The following APOBEC4 variants were observed in gnomAD, a reference collection of about 807,000 sequenced individuals.
APOBEC4 encodes the protein apolipoprotein B mRNA editing enzyme catalytic polypeptide like 4.
For missense variants in APOBEC4, 375 were observed against 441.2 expected (o/e 0.85, Z 1.34); for synonymous variants, 141 against 154.2 (o/e 0.91, Z 0.63).
At position 183,648,743 on chromosome 1, in the gene APOBEC4, T is replaced by C. The variant is rs1030015344; in HGVS notation, c.39A>G (p.Gly13=). The C allele has an allele frequency of 6.2e-7, 1 of 1,612,842 alleles. No individual in the cohort carries two copies. The highest frequency in any genetic ancestry group is 1.3e-5 in the African/African-American group (1 of 74,866). Reference sequence around the variant, plus strand: ...GCCAGTAATATGGTTTTACTATTGTTCCATGATTTGCTAGGTACTCCTCAT... The same window carrying C: ...GCCAGTAATATGGTTTTACTATTGTCCCATGATTTGCTAGGTACTCCTCAT... The part of the protein sequence containing the change: ...PIYEEYLANH[G]TIVKPYYWLS... Residue 13 remains glycine, a synonymous_variant, in exon 2 of 2, where the codon GGA becomes GGG. Transcript: ENST00000308641.
Position 183,646,306 on chromosome 1 carries a change from T to C in APOBEC4, c.*1372A>G, listed in dbSNP as rs970602086. 6.6e-6 allele frequency: 1 copy of C among 152,202 alleles called. No individual in the cohort carries two copies. The highest frequency in any genetic ancestry group is 1.5e-5 in the Non-Finnish European group (1 of 68,028). 9.4% of individuals were successfully genotyped at this position (152,202 alleles called of 1,614,324 possible). ...TTAAAATTTTTATTCATGTTTATTTTAACCACAATACTAATTGCTATTCCT... is the reference window on the plus strand; with the variant it reads ...TTAAAATTTTTATTCATGTTTATTTCAACCACAATACTAATTGCTATTCCT... On this transcript the variant is annotated 3_prime_UTR_variant, in exon 2 of 2. Coordinates refer to ENST00000308641, the MANE Select transcript of APOBEC4 (RefSeq NM_203454.3).
chr1:183,651,908 C>G lies in APOBEC4; in HGVS notation c.-31+1164G>C, dbSNP rs559904549. ...TTAGCCTTCATCAGGCTGGATGGAT[C>G]TCTCCATCAGAACTTGCCAAAACCA... On this transcript the variant is annotated intron_variant, in intron 1 of 1. Transcript: ENST00000308641. Among the ~76,000 whole-genome samples the G allele has an allele frequency of 4.1e-4, 62 of 152,304 alleles. 1 individual carries two copies. In the South Asian group the frequency reaches 0.013, roughly 32 times the overall value.
intron 1 of APOBEC4, among the ~76,000 whole-genome samples, chr1:183,649,391 C>T (rs1558132975): frequency 6.6e-6 from 1 of 152,176 alleles, no homozygotes; most frequent in Non-Finnish European, 1.5e-5. Context: ...CATGATCTTT[C>T]TTCTCAGAAT....
chr1:183,648,874 A>C, intron 1 of APOBEC4, 63 bp from the exon 2 acceptor site: 3 of 1,000,540 alleles, frequency 3.0e-6, no homozygotes, highest in Non-Finnish European at 4.4e-6. Flanking sequence ...CAGTGCATTA[A>C]TTTATTAAAC....
intron 1 of APOBEC4, among the ~76,000 whole-genome samples, chr1:183,652,557 C>T (rs1650841427): frequency 6.6e-6 from 1 of 152,002 alleles, no homozygotes; most frequent in African/African-American, 2.4e-5. Context: ...TGTTATCGAC[C>T]ACAGATTATC....
intron 1 of APOBEC4, among the ~76,000 whole-genome samples, chr1:183,652,051 A>C (rs761482838): frequency 2.0e-5 from 3 of 152,212 alleles, no homozygotes; most frequent in Non-Finnish European, 4.4e-5. Context: ...TAGACAATTT[A>C]CAGATTGATT....
intron 1 of APOBEC4, among the ~76,000 whole-genome samples, chr1:183,652,696 A>G (rs1007481273): frequency 6.6e-6 from 1 of 152,228 alleles, no homozygotes; most frequent in African/African-American, 2.4e-5. Context: ...TTGTTTCCCC[A>G]GCAGCTGGTG....
chr1:183,650,414 G>C (rs908104371), intron 1 of APOBEC4, among the ~76,000 whole-genome samples: 1 of 152,024 alleles, frequency 6.6e-6, no homozygotes, highest in African/African-American at 2.4e-5. Flanking sequence ...GTGGTGGCAT[G>C]CGCCTGTAGT....
Position 183,647,520 on chromosome 1 carries a change from C to A in APOBEC4, c.*158G>T. 8.2e-7 allele frequency: 1 copy of A among 1,213,540 alleles called. No individual in the cohort carries two copies. Among genetic ancestry groups the A allele is most frequent in the South Asian group, 2.0e-5 (1 of 49,774 alleles). The allele number at this position is 1,213,540 out of a possible 1,614,324, so 75.2% of individuals were successfully genotyped here. A position where few individuals can be genotyped will look rare whatever the true frequency, so the allele number is the denominator to read the frequency against. The stretch of plus-strand genomic sequence containing the variant: ...TTGGATTATGTTTAAAATAGTGTAA[C>A]TTTATAATAGTTGATATGGTAAATA... On this transcript the variant is annotated 3_prime_UTR_variant, in exon 2 of 2. Coordinates refer to ENST00000308641, the MANE Select transcript of APOBEC4 (RefSeq NM_203454.3).
chr1:183,646,544 G>C lies in APOBEC4; in HGVS notation c.*1134C>G, dbSNP rs1320919086. ...CAAATGTGAAATAAGCATAAGCAAA[G>C]TGCTTTCATTTAAGTGCTTAGAGGA... On this transcript the variant is annotated 3_prime_UTR_variant, in exon 2 of 2. Coordinates refer to ENST00000308641, the MANE Select transcript of APOBEC4 (RefSeq NM_203454.3). 2.0e-5 allele frequency: 3 copies of C among 152,138 alleles called. No individual in the cohort carries two copies. Among genetic ancestry groups the C allele is most frequent in the Admixed American group, 2.0e-4 (3 of 15,270 alleles). 9.4% of individuals were successfully genotyped at this position (152,138 alleles called of 1,614,324 possible).
At chr1:183,649,036 T>C (rs1432125163) in intron 1 of APOBEC4, among the ~76,000 whole-genome samples, 1 of 152,204 alleles carries the variant, frequency 6.6e-6, no homozygotes, top group Non-Finnish European at 1.5e-5. Flanking sequence ...TTTCATAGAT[T>C]CCAAGTCAGT....
At position 183,648,847 on chromosome 1, in the gene APOBEC4, G is replaced by A. The variant is rs192632617; in HGVS notation, c.-30-36C>T. The A allele has an allele frequency of 1.0e-3, 1,408 of 1,343,544 alleles. 10 individuals are homozygous for A. The African/African-American group carries it at 0.017, about 17-fold the overall frequency. The allele number at this position is 1,343,544 out of a possible 1,614,324, so 83.2% of individuals were successfully genotyped here. A position where few individuals can be genotyped will look rare whatever the true frequency, so the allele number is the denominator to read the frequency against. ...AAGAGAAATTACATATAAAACCAGC[G>A]CAGGAAAAACTGAAGACAGTGCATT... On this transcript the variant is annotated intron_variant, in intron 1 of 1. Transcript: ENST00000308641.
Position 183,649,499 on chromosome 1 carries a change from T to G in APOBEC4, c.-30-688A>C, listed in dbSNP as rs543497231. 7.2e-5 allele frequency among the ~76,000 whole-genome samples: 11 copies of G among 152,046 alleles called. No homozygotes were observed. In the East Asian group the frequency reaches 9.7e-4, roughly 13 times the overall value. ...TGGAAATAATTTGGAGGTTTTTGGG[T>G]TTTTTTTGAGACTAGGATCATGGGA... is the stretch of plus-strand genomic sequence containing the variant. On this transcript the variant is annotated intron_variant, in intron 1 of 1. Transcript: ENST00000308641.
At chr1:183,648,884 C>A in intron 1 of APOBEC4, 73 bp from the exon 2 acceptor site, 2 of 921,664 alleles carry the variant, frequency 2.2e-6, no homozygotes, top group African/African-American at 1.7e-5. Flanking sequence ...ATTTATTAAA[C>A]CATACTTTCT....
Position 183,647,855 on chromosome 1 carries a change from G to A in APOBEC4, c.927C>T (p.Asn309=), listed in dbSNP as rs1234986986. 2 of 1,614,006 alleles carry A rather than the reference G, an allele frequency of 1.2e-6. No individual in the cohort carries two copies. The highest frequency in any genetic ancestry group is 1.3e-5 in the African/African-American group (1 of 74,890). Reference sequence around the variant, plus strand: ...TTACGATATTCCTGGGTTTATTTGGGTTTTGGCCCATATGCATTGGTGGTA... The same window carrying A: ...TTACGATATTCCTGGGTTTATTTGGATTTTGGCCCATATGCATTGGTGGTA... The part of the protein sequence containing the change: ...RDLPPMHMGQ[N]PNKPRNIVRH... The change falls in exon 2 of 2, where the codon AAC becomes AAT. Residue 309 remains asparagine (N), a synonymous_variant. Coordinates refer to ENST00000308641, the MANE Select transcript of APOBEC4 (RefSeq NM_203454.3).
rs773606545 is a variant in APOBEC4 at position 183,648,456 on chromosome 1, A to G, written c.326T>C (p.Ile109Thr). The change falls in exon 2 of 2, where the codon ATA becomes ACA. Residue 109 changes from isoleucine to threonine, a missense_variant. By Grantham distance (89) the Ile-to-Thr change is moderately conservative (BLOSUM62 -1). Coordinates refer to ENST00000308641, the MANE Select transcript of APOBEC4 (RefSeq NM_203454.3). ...ATGCCTGATGCTGTCATTATTGTAT[A>G]TGGCTGAGTCAAGATAACCATTCAT... ...FEMNGYLDSA[I>T]YNNDSIRHII... is the part of the protein sequence containing the mutation. 5 of 1,614,248 alleles carry G rather than the reference A, an allele frequency of 3.1e-6. No individual in the cohort carries two copies. In the South Asian group the frequency reaches 4.4e-5, roughly 14 times the overall value.
rs763809592 is a variant in APOBEC4, at chr1:183,648,474, C to CCATT, written c.304_307dup (p.Gly103GlufsTer5). 1 of 1,614,168 alleles carries CCATT rather than the reference C, an allele frequency of 6.2e-7. No homozygotes were observed. The highest frequency in any genetic ancestry group is 8.5e-7 in the Non-Finnish European group (1 of 1,180,032). On this transcript the variant is annotated frameshift_variant, in exon 2 of 2. Transcript: ENST00000308641. LOFTEE classifies it low-confidence loss of function (END_TRUNC). ...ATTGTATATGGCTGAGTCAAGATAA[C>CCATT]CATTCATTTCAAAGAGCATTGATTC...
chr1:183,651,070 G>A (rs1650715343), intron 1 of APOBEC4, among the ~76,000 whole-genome samples: 1 of 152,062 alleles, frequency 6.6e-6, no homozygotes, highest in Admixed American at 6.6e-5. Flanking sequence ...GGTTTATACA[G>A]CCTTTTAATT....
chr1:183,648,864 C>G, intron 1 of APOBEC4, 53 bp from the exon 2 acceptor site: 1 of 1,092,558 alleles, frequency 9.2e-7, no homozygotes, highest in Non-Finnish European at 1.3e-6. Flanking sequence ...AAACTGAAGA[C>G]AGTGCATTAA....
Sources: allele counts gnomAD v4.1 joint callset (sites outside exome capture counted in the v4.1 genomes callset), GRCh38; gene constraint gnomAD v4.1.1; transcripts MANE v1.5; gene names NCBI Gene and HGNC (gene_info 2026-07-23, HGNC 2026-07-21).